MAP3K19: variants seen among roughly 807,000 people sequenced by gnomAD.
MAP3K19 encodes the protein SPS1/STE20-related protein kinase YSK4.
In MAP3K19, 91 loss-of-function variants were observed where a neutral mutation model predicts 114.4. The ratio of observed to expected loss-of-function variants is 0.80; its 90% confidence interval spans 0.67 to 0.95. The LOEUF is 0.95. Ranked by LOEUF, MAP3K19 falls within the 40% of genes least tolerant of loss-of-function variation. The pLI is 0.00. For missense variants in MAP3K19, 1,471 were observed against 1,573.2 expected (o/e 0.94, Z 1.10); for synonymous variants, 518 against 530.5 (o/e 0.98, Z 0.32).
rs972610697 is a variant in MAP3K19 at position 135,046,645 on chromosome 2, C to T, written c.-424+540G>A. Among the ~76,000 whole-genome samples, 3 of 152,308 alleles carry T rather than the reference C, an allele frequency of 2.0e-5. No homozygotes were observed. The East Asian group carries it at 5.8e-4, about 29-fold the overall frequency. On this transcript the variant is annotated intron_variant, in intron 1 of 12. Coordinates refer to ENST00000392915, the MANE Select transcript of MAP3K19 (RefSeq NM_025052.5). ...CATTCCACAGAGGTTTTTAGTTTAG[C>T]ATCTATTAAAACCCAGTCTTTTTTA...
chr2:135,032,494 C>T (rs1688406899), intron 2 of MAP3K19, among the ~76,000 whole-genome samples: 1 of 151,410 alleles, frequency 6.6e-6, no homozygotes, highest in Admixed American at 6.6e-5. Context: ...ATACTCACAC[C>T]AAAATGTTTA....
At chr2:134,990,581 A>G (rs192493631) in intron 9 of MAP3K19, among the ~76,000 whole-genome samples, 8 of 151,808 alleles carry the variant, frequency 5.3e-5, no homozygotes, top group South Asian at 4.2e-4. Context: ...GGTTCAAGCA[A>G]TTCTCCTGCC....
At chr2:135,036,896 T>C (rs1176275060) in intron 2 of MAP3K19, among the ~76,000 whole-genome samples, 1 of 152,024 alleles carries the variant, frequency 6.6e-6, no homozygotes, top group Admixed American at 6.6e-5. Flanking sequence ...GTAGGGAACA[T>C]TGGCAAGAGC....
Position 134,990,207 on chromosome 2 carries a change from T to G in MAP3K19, c.618+1330A>C, listed in dbSNP as rs1685461906. ...GAACGATTTGCTACTCTAGGAACTA[T>G]ATGTGAGTTGTTGTTTTTCCAAGAA... On this transcript the variant is annotated intron_variant, in intron 9 of 12. Coordinates refer to ENST00000392915, the MANE Select transcript of MAP3K19 (RefSeq NM_025052.5). 2.0e-5 allele frequency among the ~76,000 whole-genome samples: 3 copies of G among 152,104 alleles called. No homozygotes were observed. The South Asian group carries it at 6.2e-4, about 31-fold the overall frequency.
chr2:134,982,135 G>GTTTT (rs1684719763), intron 11 of MAP3K19, among the ~76,000 whole-genome samples: 2 of 24,408 alleles, frequency 8.2e-5, no homozygotes, highest in African/African-American at 1.7e-4. Context: ...TTTTTTTTTT[G>GTTTT]GAGACAGAGT....
intron 1 of MAP3K19, among the ~76,000 whole-genome samples, chr2:135,042,558 T>C (rs1380153893): frequency 1.3e-5 from 2 of 151,106 alleles, no homozygotes; most frequent in Non-Finnish European, 3.0e-5. Context: ...AAGAAGGCAT[T>C]CGTGATATCT....
chr2:135,035,173 G>A (rs1317122235), intron 2 of MAP3K19, among the ~76,000 whole-genome samples: 1 of 152,120 alleles, frequency 6.6e-6, no homozygotes, highest in Non-Finnish European at 1.5e-5. Context: ...GAAGCAGGTG[G>A]ATCACTTTAG....
At chr2:135,017,766 T>A (rs1318105567) in intron 5 of MAP3K19, among the ~76,000 whole-genome samples, 2 of 152,192 alleles carry the variant, frequency 1.3e-5, no homozygotes, top group African/African-American at 4.8e-5. Flanking sequence ...CCATTCTCCA[T>A]GCTGCAAAAT....
intron 2 of MAP3K19, among the ~76,000 whole-genome samples, chr2:135,039,433 T>G (rs991766747): frequency 7.2e-6 from 1 of 139,840 alleles, no homozygotes; most frequent in African/African-American, 2.9e-5. Context: ...AAAAAAAAAA[T>G]TAGCCGGGCA....
At chr2:135,045,558 GATA>G (rs1688726332) in intron 1 of MAP3K19, among the ~76,000 whole-genome samples, 1 of 152,128 alleles carries the variant, frequency 6.6e-6, no homozygotes, top group African/African-American at 2.4e-5. Context: ...GCAAGAAATA[GATA>G]TTTATATCAC....
intron 4 of MAP3K19, chr2:135,023,216 G>C (rs1688098784): frequency 3.0e-6 from 1 of 333,104 alleles, no homozygotes; most frequent in African/African-American, 2.2e-5. Flanking sequence ...TACCACATCT[G>C]CTTTGTAATC....
chr2:134,997,829 A>AAAAAAAAAAAAAAAAAAAAAAAAAAAAC (rs1686128338), intron 8 of MAP3K19, among the ~76,000 whole-genome samples: 2 of 151,690 alleles, frequency 1.3e-5, no homozygotes, highest in Non-Finnish European at 2.9e-5. Context: ...AAAAAAAAAA[A>AAAAAAAAAAAAAAAAAAAAAAAAAAAAC]ACTTTAAGCA....
chr2:135,035,094 C>T (rs1452883091), intron 2 of MAP3K19, among the ~76,000 whole-genome samples: 1 of 151,284 alleles, frequency 6.6e-6, no homozygotes, highest in Admixed American at 6.6e-5. Context: ...TATGAAAATC[C>T]CAAATAAGAA....
At chr2:135,032,272 G>A (rs1364039068) in intron 2 of MAP3K19, among the ~76,000 whole-genome samples, 1 of 150,860 alleles carries the variant, frequency 6.6e-6, no homozygotes, top group Admixed American at 6.6e-5. Context: ...CAGGAGAATT[G>A]CTTGAAACCA....
chr2:134,998,883 C>G lies in MAP3K19; in HGVS notation c.429G>C (p.Leu143Phe). ...KKKLTMRPLV[L>F]QKEESSRELC... ...GCTCCCTGGAACTTTCCTCTTTTTG[C>G]AAAACTAAGGGCCGCATGGTCAGCT... The change falls in exon 8 of 13, where the codon TTG (leucine) becomes TTC (phenylalanine). Residue 143 changes from leucine to phenylalanine, a missense_variant. Leu to Phe is a conservative substitution (Grantham distance 22). Transcript: ENST00000392915. The G allele has an allele frequency of 6.2e-7, 1 of 1,614,132 alleles. No individual in the cohort carries two copies. The highest frequency in any genetic ancestry group is 8.5e-7 in the Non-Finnish European group (1 of 1,180,022).
chr2:135,047,094 GC>G (rs1688759949), intron 1 of MAP3K19, 90 bp downstream of exon 1: 1 of 152,186 alleles, frequency 6.6e-6, no homozygotes, highest in Admixed American at 6.5e-5. Context: ...AGTTTACCAG[GC>G]ATTCCTCCTC....
rs79961158 is a variant in MAP3K19 at position 134,983,771 on chromosome 2, T to C, written c.3127A>G (p.Asn1043Asp). The change falls in exon 11 of 13, where the codon AAT becomes GAT. Residue 1043 changes from asparagine to aspartate, a missense_variant. Transcript: ENST00000392915. ...YDREEKFLIS[N>D]EKKIFSENSL... is the part of the protein sequence containing the mutation. ...TTTTCAGAAAATATCTTCTTTTCAT[T>C]TGAGATGAGAAATTTCTCCTCCCTG... 6.2e-7 allele frequency: 1 copy of C among 1,607,366 alleles called. No homozygotes were observed. The highest frequency in any genetic ancestry group is 1.7e-4 in the Middle Eastern group (1 of 6,036).
chr2:135,006,841 A>G (rs1686850374), intron 5 of MAP3K19, among the ~76,000 whole-genome samples: 1 of 148,974 alleles, frequency 6.7e-6, no homozygotes, highest in African/African-American at 2.5e-5. Flanking sequence ...AGAGAAAGAG[A>G]GAGAGAGAAA....
intron 12 of MAP3K19, among the ~76,000 whole-genome samples, chr2:134,967,645 T>C (rs892503455): frequency 8.5e-5 from 13 of 152,220 alleles, no homozygotes; most frequent in South Asian, 4.1e-4. Context: ...ATGACTTAGA[T>C]TGTATTGCTC....
Sources: gnomAD v4.1 joint callset for allele counts (sites outside exome capture counted in the v4.1 genomes callset) on GRCh38, gnomAD v4.1.1 for gene constraint, MANE v1.5 for transcripts, NCBI Gene and HGNC (gene_info 2026-07-23, HGNC 2026-07-21) for gene names.